Variants in CALN1 observed in about 807,000 individuals in gnomAD.
CALN1 encodes the protein calcium-binding protein 8.
CALN1 carries 17 observed loss-of-function variants against 30.6 expected under a neutral mutation model. The observed-to-expected ratio is 0.56, with a 90% CI of 0.38 to 0.83. CALN1 has a LOEUF of 0.83. Among genes scored for constraint, CALN1 ranks in the 40% least tolerant of loss-of-function variants. The pLI, the probability that CALN1 is intolerant of heterozygous loss-of-function variation, is 0.00. For missense variants in CALN1, 291 were observed against 354.9 expected (o/e 0.82, Z 1.45); for synonymous variants, 156 against 131.4 (o/e 1.19, Z -1.28).
chr7:71,825,796 G>T (rs1384542490), intron 5 of CALN1, among the ~76,000 whole-genome samples: 5 of 152,010 alleles, frequency 3.3e-5, no homozygotes, highest in African/African-American at 1.2e-4. Flanking sequence ...ACTCTGAGAG[G>T]CCGAGGCAGG....
chr7:71,795,761 C>T (rs1786862950), intron 6 of CALN1, among the ~76,000 whole-genome samples: 1 of 150,316 alleles, frequency 6.7e-6, no homozygotes, highest in Admixed American at 6.6e-5. Flanking sequence ...CTTCTTTTAG[C>T]ATAATTTTTC....
chr7:71,845,235 A>G (rs1005576193), intron 5 of CALN1, among the ~76,000 whole-genome samples: 28 of 152,348 alleles, frequency 1.8e-4, no homozygotes, highest in African/African-American at 6.7e-4. Flanking sequence ...TTGATAAAAC[A>G]AGCTAAGTCT....
chr7:72,324,399 T>C (rs1451556938), intron 2 of CALN1, among the ~76,000 whole-genome samples: 1 of 152,030 alleles, frequency 6.6e-6, no homozygotes, highest in Non-Finnish European at 1.5e-5. Flanking sequence ...TCTGGAGTTA[T>C]CATTTATGAC....
At chr7:72,300,281 A>G (rs1249026252) in intron 2 of CALN1, among the ~76,000 whole-genome samples, 1 of 152,162 alleles carries the variant, frequency 6.6e-6, no homozygotes, top group East Asian at 1.9e-4. Flanking sequence ...GCCATTCTGC[A>G]TCACAAGTCT....
intron 3 of CALN1, among the ~76,000 whole-genome samples, chr7:72,222,446 A>G (rs1052504034): frequency 6.6e-6 from 1 of 152,154 alleles, no homozygotes; most frequent in African/African-American, 2.4e-5. Flanking sequence ...CTTTTAAACT[A>G]TCAGATCTCA....
the CALN1 span, among the ~76,000 whole-genome samples, chr7:72,501,294 A>G: frequency 7.2e-6 from 1 of 138,214 alleles, no homozygotes; most frequent in African/African-American, 2.7e-5. Flanking sequence ...GCACTTTGGG[A>G]GGCCAAGGTG....
intron 4 of CALN1, among the ~76,000 whole-genome samples, chr7:72,086,536 C>T (rs1424587512): frequency 2.6e-5 from 4 of 151,980 alleles, no homozygotes; most frequent in African/African-American, 7.3e-5. Context: ...GGAGTTCAAG[C>T]GATTCTCCCA....
intron 2 of CALN1, among the ~76,000 whole-genome samples, chr7:72,374,433 G>A (rs554199779): frequency 1.3e-5 from 2 of 150,642 alleles, no homozygotes; most frequent in Admixed American, 6.6e-5. Context: ...GGAGGCTGAG[G>A]AAGGAGAATA....
At chr7:72,201,756 AGC>A (rs1439293832) in intron 3 of CALN1, among the ~76,000 whole-genome samples, 4 of 143,254 alleles carry the variant, frequency 2.8e-5, no homozygotes, top group African/African-American at 1.2e-4. Context: ...AAAAAAAAAA[AGC>A]AGTAACTGTA....
At position 72,019,618 on chromosome 7, in the gene CALN1, G is replaced by A. The variant is rs73368151; in HGVS notation, c.501+4039C>T. Among the ~76,000 whole-genome samples the A allele has an allele frequency of 6.8e-4, 103 of 152,240 alleles. 1 individual carries two copies. Among genetic ancestry groups the A allele is most frequent in the South Asian group, 2.1e-3 (10 of 4,820 alleles). On this transcript the variant is annotated intron_variant, in intron 5 of 6. Coordinates refer to ENST00000395275, the MANE Select transcript of CALN1 (RefSeq NM_031468.4). ...GTGCAGTAGGGACCTGAGGGCTCCC[G>A]TCAACCACCAGCGTCACCTTGCCAG...
intron 5 of CALN1, among the ~76,000 whole-genome samples, chr7:71,903,842 C>T (rs1793990315): frequency 6.6e-6 from 1 of 152,080 alleles, no homozygotes; most frequent in Admixed American, 6.6e-5. Context: ...AGGAATTTAA[C>T]TCCATTGGAA....
At chr7:71,827,020 A>G (rs6978403) in intron 5 of CALN1, among the ~76,000 whole-genome samples, 13,458 of 152,246 alleles carry the variant, frequency 0.088, 2,024 homozygotes, top group African/African-American at 0.31. Context: ...AGGAAATGCC[A>G]GCCGGATGCA....
At chr7:72,467,068 T>C in the CALN1 span, among the ~76,000 whole-genome samples, 1 of 152,028 alleles carries the variant, frequency 6.6e-6, no homozygotes, top group Non-Finnish European at 1.5e-5. Context: ...ACATCCTCCA[T>C]TACCCCCAGA....
intron 4 of CALN1, among the ~76,000 whole-genome samples, chr7:72,065,822 G>C (rs1248625254): frequency 6.6e-6 from 1 of 152,118 alleles, no homozygotes; most frequent in African/African-American, 2.4e-5. Flanking sequence ...GAACCTGGGA[G>C]GCAGAGGTTG....
At chr7:72,489,965 G>A in the CALN1 span, among the ~76,000 whole-genome samples, 1 of 152,182 alleles carries the variant, frequency 6.6e-6, no homozygotes, top group East Asian at 1.9e-4. Context: ...TCCTAGCCAG[G>A]GCTCTCTAGA....
At chr7:72,386,907 A>AT (rs1216509290) in intron 2 of CALN1, among the ~76,000 whole-genome samples, 3 of 152,042 alleles carry the variant, frequency 2.0e-5, no homozygotes, top group Non-Finnish European at 4.4e-5. Flanking sequence ...AAGTATAGAT[A>AT]TGTGTACATA....
Position 72,365,383 on chromosome 7 carries a change from A to T in CALN1, c.119+37868T>A, listed in dbSNP as rs76230843. ...ATCTTCAGTATGTACAGAACTTATA[A>T]ATCAGTGGGGAAAACAACAATAAAC... On this transcript the variant is annotated intron_variant, in intron 2 of 6. Transcript: ENST00000395275. 4.9e-3 allele frequency among the ~76,000 whole-genome samples: 753 copies of T among 152,292 alleles called. 4 individuals carry two copies. Among genetic ancestry groups the T allele is most frequent in the Non-Finnish European group, 8.7e-3 (594 of 68,006 alleles).
chr7:71,802,040 A>G (rs1787343485), intron 6 of CALN1, among the ~76,000 whole-genome samples: 1 of 151,986 alleles, frequency 6.6e-6, no homozygotes, highest in Non-Finnish European at 1.5e-5. Context: ...TTGTGCACCA[A>G]CCTAATAAAT....
At chr7:72,339,466 C>T (rs1802281934) in intron 2 of CALN1, among the ~76,000 whole-genome samples, 1 of 152,112 alleles carries the variant, frequency 6.6e-6, no homozygotes, top group African/African-American at 2.4e-5. Flanking sequence ...TGAGTTCCTT[C>T]AAAGAAACTC....
Sources: allele counts gnomAD v4.1 joint callset (sites outside exome capture counted in the v4.1 genomes callset), GRCh38; gene constraint gnomAD v4.1.1; transcripts MANE v1.5; gene names NCBI Gene and HGNC (gene_info 2026-07-23, HGNC 2026-07-21).